Variants in GLI2 observed in about 807,000 individuals in gnomAD.
GLI2 encodes transcription activator GLI2.
GLI2 carries 22 observed loss-of-function variants against 78.9 expected under a neutral mutation model. The observed-to-expected ratio is 0.28, with a 90% CI of 0.20 to 0.40. The LOEUF (loss-of-function observed/expected upper bound fraction) is 0.40. Ranked by LOEUF, GLI2 falls within the 10% of genes least tolerant of loss-of-function variation. The pLI is 1.00. For missense variants in GLI2, 2,097 were observed against 2,213.2 expected, an observed-to-expected ratio of 0.95 and a Z score of 1.05; for synonymous variants, 974 against 963.7, an observed-to-expected ratio of 1.01 and a Z score of -0.20.
chr2:120,796,565 T>C (rs528757834), intron 1 of GLI2, among the ~76,000 whole-genome samples: 1 of 152,258 alleles, frequency 6.6e-6, no homozygotes, highest in African/African-American at 2.4e-5. Context: ...AGGCATCCCA[T>C]CCCTACCCCA....
At chr2:120,928,346 C>A (rs775086762) in intron 3 of GLI2, among the ~76,000 whole-genome samples, 7 of 152,156 alleles carry the variant, frequency 4.6e-5, no homozygotes, top group Non-Finnish European at 1.0e-4. Flanking sequence ...CCTGGAATCT[C>A]CCCCCAACAG....
intron 1 of GLI2, among the ~76,000 whole-genome samples, chr2:120,794,198 C>T (rs1004945961): frequency 1.3e-5 from 2 of 152,132 alleles, no homozygotes; most frequent in Non-Finnish European, 2.9e-5. Context: ...GTGGGGCTTC[C>T]TGGAGGAGGT....
At chr2:120,856,978 G>A (rs1192761744) in intron 2 of GLI2, among the ~76,000 whole-genome samples, 2 of 152,152 alleles carry the variant, frequency 1.3e-5, no homozygotes, top group African/African-American at 2.4e-5. Context: ...AAATAATAAA[G>A]GTGTGGGCCG....
At chr2:120,881,070 T>C (rs1229165139) in intron 2 of GLI2, among the ~76,000 whole-genome samples, 2 of 152,212 alleles carry the variant, frequency 1.3e-5, no homozygotes, top group Admixed American at 6.5e-5. Flanking sequence ...CCTTATAAGA[T>C]GGTCGGTGGA....
chr2:120,764,639 C>T (rs767430556), intron 1 of GLI2, among the ~76,000 whole-genome samples: 6 of 152,150 alleles, frequency 3.9e-5, no homozygotes, highest in African/African-American at 7.2e-5. Flanking sequence ...TTCCCCTTTG[C>T]GCAGGCTGCT....
intron 2 of GLI2, among the ~76,000 whole-genome samples, chr2:120,825,445 A>G (rs893000723): frequency 4.1e-5 from 6 of 147,762 alleles, no homozygotes; most frequent in African/African-American, 1.3e-4. Context: ...GCACCTGGCT[A>G]TAAGGAGTGT....
intron 2 of GLI2, among the ~76,000 whole-genome samples, chr2:120,821,104 G>A (rs1434670339): frequency 6.6e-6 from 1 of 152,122 alleles, no homozygotes; most frequent in Non-Finnish European, 1.5e-5. Flanking sequence ...GCTCCTCCCT[G>A]ACTGGCAGCC....
intron 2 of GLI2, among the ~76,000 whole-genome samples, chr2:120,908,407 A>T (rs1678650601): frequency 6.6e-6 from 1 of 152,190 alleles, no homozygotes; most frequent in Non-Finnish European, 1.5e-5. Context: ...CCCTTTCCCA[A>T]GCCCCTTGCA....
chr2:120,880,104 C>A (rs1677047364), intron 2 of GLI2, among the ~76,000 whole-genome samples: 1 of 152,166 alleles, frequency 6.6e-6, no homozygotes, highest in Non-Finnish European at 1.5e-5. Context: ...GACTTCCCAA[C>A]CTTCATCCTG....
intron 1 of GLI2, among the ~76,000 whole-genome samples, chr2:120,763,405 G>T (rs940796198): frequency 2.8e-4 from 42 of 152,362 alleles, no homozygotes; most frequent in Non-Finnish European, 4.7e-4. Flanking sequence ...CTCCACAGTG[G>T]CAGGGCCACT....
chr2:120,880,865 A>G (rs1416573672), intron 2 of GLI2, among the ~76,000 whole-genome samples: 2 of 152,190 alleles, frequency 1.3e-5, no homozygotes, highest in Admixed American at 6.5e-5. Context: ...GCCATTGAAC[A>G]CAAGTCCCAG....
intron 2 of GLI2, among the ~76,000 whole-genome samples, chr2:120,818,195 C>T (rs966106113): frequency 5.9e-5 from 9 of 152,306 alleles, no homozygotes; most frequent in African/African-American, 2.2e-4. Flanking sequence ...CTTTCATCCC[C>T]GAGGGGTGGC....
At chr2:120,903,737 G>A (rs1678378367) in intron 2 of GLI2, among the ~76,000 whole-genome samples, 1 of 152,318 alleles carries the variant, frequency 6.6e-6, no homozygotes, top group South Asian at 2.1e-4. Flanking sequence ...TAACATCTGG[G>A]TGGTGACAGC....
chr2:120,986,816 C>T (rs1308420389), intron 13 of GLI2, among the ~76,000 whole-genome samples: 1 of 152,216 alleles, frequency 6.6e-6, no homozygotes, highest in Admixed American at 6.5e-5. Context: ...AGCCAAAGGC[C>T]ATGCTCTTTC....
rs762881299 is a variant in GLI2, at chr2:120,927,434, T to C, written c.222T>C (p.His74=). The C allele has an allele frequency of 4.3e-6, 7 of 1,613,734 alleles. No homozygotes were observed. Among genetic ancestry groups the C allele is most frequent in the Non-Finnish European group, 5.1e-6 (6 of 1,179,712 alleles). The change falls in exon 3 of 14, where the codon CAT becomes CAC. Residue 74 remains histidine (H), a synonymous_variant. Coordinates refer to ENST00000361492, the MANE Select transcript of GLI2 (RefSeq NM_001374353.1). ...IDMRHQEGRY[H]YEPHSVHGVH... is the part of the protein sequence containing the mutation. ...TGCGACACCAGGAAGGAAGGTACCA[T>C]TACGAGCCTCATTCTGTCCACGGTG...
At chr2:120,950,706 A>T (rs1680938111) in intron 3 of GLI2, among the ~76,000 whole-genome samples, 1 of 152,206 alleles carries the variant, frequency 6.6e-6, no homozygotes, top group Non-Finnish European at 1.5e-5. Context: ...CCTGCGGCCG[A>T]GCTGGTCACA....
At chr2:120,915,655 G>A (rs562953839) in intron 2 of GLI2, among the ~76,000 whole-genome samples, 4 of 152,278 alleles carry the variant, frequency 2.6e-5, no homozygotes, top group East Asian at 1.9e-4. Flanking sequence ...CGAACACCTG[G>A]TCACCTGGGC....
chr2:120,944,161 C>T (rs1458410676), intron 3 of GLI2, among the ~76,000 whole-genome samples: 1 of 152,202 alleles, frequency 6.6e-6, no homozygotes, highest in Non-Finnish European at 1.5e-5. Flanking sequence ...GCAGAGTGCT[C>T]ATTACCTTGA....
At chr2:120,750,113 C>T (rs1057139189) in intron 1 of GLI2, among the ~76,000 whole-genome samples, 1 of 152,240 alleles carries the variant, frequency 6.6e-6, no homozygotes, top group Non-Finnish European at 1.5e-5. Context: ...TTTGTCTCAG[C>T]AGAGACATCC....
Sources: gnomAD v4.1 joint callset for allele counts (sites outside exome capture counted in the v4.1 genomes callset) on GRCh38, gnomAD v4.1.1 for gene constraint, MANE v1.5 for transcripts, NCBI Gene and HGNC (gene_info 2026-07-23, HGNC 2026-07-21) for gene names.